Variants in PHF21A observed in about 807,000 individuals in gnomAD.
The protein encoded by PHF21A is BHC80a.
PHF21A carries 11 observed loss-of-function variants against 82.5 expected under a neutral mutation model. The observed-to-expected ratio is 0.13, with a 90% CI of 0.08 to 0.22. The LOEUF is 0.22. PHF21A is among the 10% of genes least tolerant of loss of function. The pLI, the probability that PHF21A is intolerant of heterozygous loss-of-function variation, is 1.00. For synonymous variants in PHF21A, 297 were observed against 302.8 expected, an observed-to-expected ratio of 0.98 and a Z score of 0.20; for missense variants, 579 against 837.8, an observed-to-expected ratio of 0.69 and a Z score of 3.81.
At chr11:45,971,890 C>CTTTCTTTTTTCTTTTTTTTTTTTTTTTTT (rs57081937) in intron 7 of PHF21A, among the ~76,000 whole-genome samples, 1 of 50,294 alleles carries the variant, frequency 2.0e-5, no homozygotes. Context: ...CTTTTTCTTT[C>CTTTCTTTTTTCTTTTTTTTTTTTTTTTTT]TTTTTTTTTT....
intron 6 of PHF21A, among the ~76,000 whole-genome samples, chr11:45,996,242 A>T (rs1371625317): frequency 5.3e-5 from 8 of 152,030 alleles, no homozygotes; most frequent in African/African-American, 1.9e-4. Flanking sequence ...TGTTTTTCTA[A>T]CCTTTGATAA....
At chr11:46,077,122 A>G (rs1565876743) in intron 5 of PHF21A, among the ~76,000 whole-genome samples, 1 of 152,370 alleles carries the variant, frequency 6.6e-6, no homozygotes, top group East Asian at 1.9e-4. Flanking sequence ...TATTCTTTAT[A>G]GAAAGTATCC....
chr11:45,970,020 C>T lies in PHF21A; in HGVS notation c.613-116G>A, dbSNP rs549300766. 10 of 765,288 alleles carry T rather than the reference C, an allele frequency of 1.3e-5. No homozygotes were observed. In the Admixed American group the frequency reaches 1.3e-4, roughly 10 times the overall value. 47.4% of individuals were successfully genotyped at this position (765,288 alleles called of 1,614,324 possible). ...GACAATATTTTCTACAAGCTTTCAT[C>T]GTAAGTTAATCATCTGAATTAACAC... On this transcript the variant is annotated intron_variant, in intron 8 of 18. Coordinates refer to ENST00000676320, the MANE Select transcript of PHF21A (RefSeq NM_001352027.3).
At chr11:46,060,796 T>C (rs987398137) in intron 6 of PHF21A, among the ~76,000 whole-genome samples, 10 of 152,248 alleles carry the variant, frequency 6.6e-5, no homozygotes, top group East Asian at 1.9e-4. Flanking sequence ...ATAGTTTCAT[T>C]TGCTGTGCAG....
chr11:46,072,827 T>A (rs977485791), intron 6 of PHF21A, among the ~76,000 whole-genome samples: 1 of 152,140 alleles, frequency 6.6e-6, no homozygotes, highest in Non-Finnish European at 1.5e-5. Context: ...GCAACCACGA[T>A]GGCTTAACCC....
intron 10 of PHF21A, among the ~76,000 whole-genome samples, chr11:45,963,279 G>A (rs905164679): frequency 3.9e-4 from 60 of 152,008 alleles, no homozygotes; most frequent in African/African-American, 1.3e-3. Flanking sequence ...AATTAGCCGG[G>A]TGAGATGGCG....
At chr11:46,013,625 GTCATTTCA>G (rs2137478433) in intron 6 of PHF21A, among the ~76,000 whole-genome samples, 1 of 152,214 alleles carries the variant, frequency 6.6e-6, no homozygotes, top group East Asian at 1.9e-4. Context: ...GCATCCTTAG[GTCATTTCA>G]TTGCTGTGCG....
chr11:45,954,000 G>A (rs1238384717), intron 10 of PHF21A, among the ~76,000 whole-genome samples: 2 of 152,084 alleles, frequency 1.3e-5, no homozygotes, highest in African/African-American at 4.8e-5. Flanking sequence ...ATTTTTTGTT[G>A]TTGTTGTTGT....
chr11:45,945,576 G>A (rs559008198), intron 15 of PHF21A, among the ~76,000 whole-genome samples: 30 of 152,214 alleles, frequency 2.0e-4, no homozygotes, highest in Admixed American at 3.3e-4. Flanking sequence ...TGTTTTCTGA[G>A]AACTCATTCA....
At chr11:46,050,176 T>C (rs6485660) in intron 6 of PHF21A, among the ~76,000 whole-genome samples, 114,795 of 152,256 alleles carry the variant, frequency 0.75, 45,656 homozygotes, top group Non-Finnish European at 0.9. Context: ...TGCCTCCTTT[T>C]TTCCCCCCTT....
chr11:46,079,716 A>T (rs942231667), intron 4 of PHF21A, among the ~76,000 whole-genome samples: 1 of 152,192 alleles, frequency 6.6e-6, no homozygotes. Context: ...TTTTGAGAAC[A>T]AGGAAGTGCA....
intron 6 of PHF21A, among the ~76,000 whole-genome samples, chr11:45,993,776 A>G (rs2094800582): frequency 6.6e-6 from 1 of 151,682 alleles, no homozygotes; most frequent in African/African-American, 2.4e-5. Context: ...TGAAAGGGCC[A>G]AGCAGGAGAG....
intron 7 of PHF21A, among the ~76,000 whole-genome samples, chr11:45,978,870 A>G (rs964390823): frequency 6.6e-6 from 1 of 152,126 alleles, no homozygotes; most frequent in Non-Finnish European, 1.5e-5. Context: ...CAGCTACACC[A>G]AGTTAGAATT....
Position 45,948,833 on chromosome 11 carries a change from A to G in PHF21A, c.1288+53T>C, listed in dbSNP as rs527664790. 4.7e-5 allele frequency: 62 copies of G among 1,318,332 alleles called. 1 individual carries two copies. The East Asian group carries it at 1.4e-3, about 29-fold the overall frequency. The allele number at this position is 1,318,332 out of a possible 1,614,324, so 81.7% of individuals were successfully genotyped here. ...GGGAGGAGGGAAGGAGAAGAAACAC[A>G]CACACAAAGCAAAAGCAACAGCAGC... On this transcript the variant is annotated intron_variant, in intron 14 of 18. Transcript: ENST00000676320.
At chr11:45,936,693 T>C (rs2089145626) in intron 16 of PHF21A, 124 bp from the exon 17 acceptor site, 1 of 702,774 alleles carries the variant, frequency 1.4e-6, no homozygotes, top group African/African-American at 1.8e-5. Context: ...ATGGTAGCAG[T>C]GTTGCAAAAC....
chr11:46,025,061 G>T (rs1411426071), intron 6 of PHF21A, among the ~76,000 whole-genome samples: 1 of 151,984 alleles, frequency 6.6e-6, no homozygotes, highest in African/African-American at 2.4e-5. Context: ...CTGAGTAATG[G>T]TGTTCTAGAA....
rs3061874 is a variant in PHF21A, at chr11:45,955,283, AACACACACACACACAC to A, written c.997-1674_997-1659del. On this transcript the variant is annotated intron_variant, in intron 10 of 18. Transcript: ENST00000676320. Reference sequence around the variant, plus strand: ...GAATCACTCAAGTCTTTCTCTCTCCAACACACACACACACACACACACACACTTTTTAATCAAAAAG... The same window carrying A: ...GAATCACTCAAGTCTTTCTCTCTCCAACACACACACTTTTTAATCAAAAAG... 7.5e-4 allele frequency among the ~76,000 whole-genome samples: 111 copies of A among 148,664 alleles called. 1 individual carries two copies. The East Asian group carries it at 0.022, about 29-fold the overall frequency.
chr11:46,109,701 G>A (rs1386078430), intron 1 of PHF21A, among the ~76,000 whole-genome samples: 1 of 152,116 alleles, frequency 6.6e-6, no homozygotes, highest in Non-Finnish European at 1.5e-5. Context: ...TGTCTATTGG[G>A]CCAGGCGTGG....
chr11:46,011,992 C>A (rs1458715691), intron 6 of PHF21A, among the ~76,000 whole-genome samples: 1 of 152,192 alleles, frequency 6.6e-6, no homozygotes, highest in East Asian at 1.9e-4. Flanking sequence ...ACCTTCTTTA[C>A]TTCCTGTCCA....
Sources: gnomAD v4.1 joint callset for allele counts (sites outside exome capture counted in the v4.1 genomes callset) on GRCh38, gnomAD v4.1.1 for gene constraint, MANE v1.5 for transcripts, NCBI Gene and HGNC (gene_info 2026-07-23, HGNC 2026-07-21) for gene names.